The following FGF10 variants were observed in gnomAD, a reference collection of about 807,000 sequenced individuals.
FGF10 encodes the protein fibroblast growth factor 10, also known as FGF-10.
Under a neutral mutation model 19.8 loss-of-function variants are expected in FGF10, and 2 were observed. That is an observed-to-expected ratio of 0.10 (90% CI 0.04 to 0.32). FGF10 has a LOEUF of 0.32. Ranked by LOEUF, FGF10 falls within the 10% of genes least tolerant of loss-of-function variation. FGF10 has a pLI of 1.00. For missense variants in FGF10, 191 were observed against 246.3 expected, an observed-to-expected ratio of 0.78 and a Z score of 1.50; for synonymous variants, 112 against 94.0, an observed-to-expected ratio of 1.19 and a Z score of -1.10.
chr5:44,376,594 C>T (rs1405243871), intron 1 of FGF10, among the ~76,000 whole-genome samples: 1 of 142,010 alleles, frequency 7.0e-6, no homozygotes, highest in Non-Finnish European at 1.5e-5. Context: ...AATTACAAAA[C>T]CTCTTCACAG....
chr5:44,379,574 A>C (rs1257483526), intron 1 of FGF10, among the ~76,000 whole-genome samples: 1 of 151,860 alleles, frequency 6.6e-6, no homozygotes, highest in African/African-American at 2.4e-5. Flanking sequence ...ACTCTATCAT[A>C]CCTCCTCTTT....
intron 1 of FGF10, among the ~76,000 whole-genome samples, chr5:44,329,111 C>T (rs559419898): frequency 3.9e-5 from 6 of 152,272 alleles, no homozygotes; most frequent in African/African-American, 1.4e-4. Context: ...GTAGATTGTG[C>T]TCTTACTGTT....
intron 1 of FGF10, among the ~76,000 whole-genome samples, chr5:44,375,753 A>C (rs1304905031): frequency 6.6e-6 from 1 of 152,082 alleles, no homozygotes; most frequent in African/African-American, 2.4e-5. Context: ...GTTAATAATA[A>C]AATGCCAGAA....
Position 44,388,926 on chromosome 5 carries a change from C to T in FGF10, c.-244G>A, listed in dbSNP as rs1477285883. 3.5e-6 allele frequency: 2 copies of T among 579,220 alleles called. No homozygotes were observed. Among genetic ancestry groups the T allele is most frequent in the Non-Finnish European group, 6.2e-6 (2 of 322,258 alleles). 35.9% of individuals were successfully genotyped at this position (579,220 alleles called of 1,614,324 possible). A position where few individuals can be genotyped will look rare whatever the true frequency, so the allele number is the denominator to read the frequency against. The stretch of plus-strand genomic sequence containing the variant: ...CTGGAGCCTCCCGGTAAATGGTGGA[C>T]GTGGGTGGCCGCAGCAGCAGGAGCT... On this transcript the variant is annotated 5_prime_UTR_variant, in exon 1 of 3. Transcript: ENST00000264664.
chr5:44,383,835 GA>G (rs1300151219), intron 1 of FGF10, among the ~76,000 whole-genome samples: 5 of 152,040 alleles, frequency 3.3e-5, no homozygotes, highest in African/African-American at 1.2e-4. Flanking sequence ...GATACCAGTG[GA>G]AGCCATAAAT....
At chr5:44,380,570 A>G (rs1741963013) in intron 1 of FGF10, among the ~76,000 whole-genome samples, 2 of 152,234 alleles carry the variant, frequency 1.3e-5, no homozygotes, top group Admixed American at 1.3e-4. Context: ...CATATATTTG[A>G]CAGGGGTACA....
At chr5:44,335,376 C>T (rs1348804280) in intron 1 of FGF10, among the ~76,000 whole-genome samples, 1 of 151,996 alleles carries the variant, frequency 6.6e-6, no homozygotes, top group African/African-American at 2.4e-5. Flanking sequence ...ATTTTCCATT[C>T]TATTTATAGC....
rs372664578 is a variant in FGF10, at chr5:44,388,983, G to A, written c.-301C>T. On this transcript the variant is annotated 5_prime_UTR_variant, in exon 1 of 3. Coordinates refer to ENST00000264664, the MANE Select transcript of FGF10 (RefSeq NM_004465.2). The stretch of plus-strand genomic sequence containing the variant: ...GGCGTTGGTGGTGTTGGTCACCAGC[G>A]CTCTTCGCTCCCCCAGGAGTTACTT... 1.1e-4 allele frequency: 56 copies of A among 526,926 alleles called. 1 individual carries two copies. The highest frequency in any genetic ancestry group is 5.9e-4 in the African/African-American group (31 of 52,452). The allele number at this position is 526,926 out of a possible 1,614,324, so 32.6% of individuals were successfully genotyped here. A position where few individuals can be genotyped will look rare whatever the true frequency, so the allele number is the denominator to read the frequency against.
chr5:44,380,495 T>C (rs1398269047), intron 1 of FGF10, among the ~76,000 whole-genome samples: 2 of 152,206 alleles, frequency 1.3e-5, no homozygotes, highest in African/African-American at 4.8e-5. Context: ...TACATATACC[T>C]ATTTTACATT....
Position 44,318,850 on chromosome 5 carries a change from A to G in FGF10, c.326-8320T>C, listed in dbSNP as rs2111717868. Among the ~76,000 whole-genome samples, 3 of 152,294 alleles carry G rather than the reference A, an allele frequency of 2.0e-5. 1 individual carries two copies. The South Asian group carries it at 6.2e-4, about 32-fold the overall frequency. On this transcript the variant is annotated intron_variant, in intron 1 of 2. Transcript: ENST00000264664. Reference sequence around the variant, plus strand: ...TATGTTCAATCAAAACCTCTGATCAATCTAATTTGAGCTAAAATTACTAAA... The same window carrying G: ...TATGTTCAATCAAAACCTCTGATCAGTCTAATTTGAGCTAAAATTACTAAA...
intron 1 of FGF10, among the ~76,000 whole-genome samples, chr5:44,316,702 T>C (rs1740360066): frequency 6.6e-6 from 1 of 152,182 alleles, no homozygotes; most frequent in Admixed American, 6.6e-5. Flanking sequence ...AGAAAAATTT[T>C]AAACAATGTG....
intron 1 of FGF10, among the ~76,000 whole-genome samples, chr5:44,342,983 C>T (rs906402933): frequency 3.3e-5 from 5 of 151,898 alleles, no homozygotes; most frequent in African/African-American, 7.2e-5. Context: ...ATCAAAGTTC[C>T]GAACTTCAGG....
chr5:44,315,310 A>G (rs1490564638), intron 1 of FGF10, among the ~76,000 whole-genome samples: 1 of 152,100 alleles, frequency 6.6e-6, no homozygotes, highest in African/African-American at 2.4e-5. Flanking sequence ...ACTTTTCAAG[A>G]GCAGGGTTTT....
In FGF10 at chr5:44,376,490, CAAAAAAAAAA is replaced by C. The variant is rs764913349; in HGVS notation, c.325+11858_325+11867del. Among the ~76,000 whole-genome samples, 23 of 34,550 alleles carry C rather than the reference CAAAAAAAAAA, an allele frequency of 6.7e-4. No homozygotes were observed. In the South Asian group the frequency reaches 0.024, roughly 36 times the overall value. The allele number at this position is 34,550 out of a possible 152,430, so 22.7% of individuals were successfully genotyped here. On this transcript the variant is annotated intron_variant, in intron 1 of 2. Transcript: ENST00000264664. Reference sequence around the variant, plus strand: ...CTAAGACAAGTTAGAATACAAATGCCAAAAAAAAAAAAAAAAAAAAAAAAAAACAAAAAAC... The same window carrying C: ...CTAAGACAAGTTAGAATACAAATGCCAAAAAAAAAAAAAAAAACAAAAAAC...
intron 1 of FGF10, among the ~76,000 whole-genome samples, chr5:44,319,980 G>T (rs539050467): frequency 3.9e-5 from 6 of 152,224 alleles, no homozygotes; most frequent in African/African-American, 1.4e-4. Context: ...CCCATCAGTC[G>T]TTACTGCCTG....
At chr5:44,323,810 T>C (rs1482756887) in intron 1 of FGF10, among the ~76,000 whole-genome samples, 2 of 152,158 alleles carry the variant, frequency 1.3e-5, no homozygotes, top group African/African-American at 4.8e-5. Flanking sequence ...TTTAAAGTAG[T>C]ATGTTCTTGA....
At chr5:44,315,074 A>G (rs1740305836) in intron 1 of FGF10, among the ~76,000 whole-genome samples, 1 of 151,818 alleles carries the variant, frequency 6.6e-6, no homozygotes, top group African/African-American at 2.4e-5. Context: ...TGTGCAGGGT[A>G]GGTGTTAGCT....
intron 1 of FGF10, among the ~76,000 whole-genome samples, chr5:44,346,492 G>A (rs1287165973): frequency 6.6e-6 from 1 of 151,740 alleles, no homozygotes; most frequent in African/African-American, 2.4e-5. Context: ...TACATGACCA[G>A]GATCTACTTT....
At chr5:44,370,926 G>T (rs1340595363) in intron 1 of FGF10, among the ~76,000 whole-genome samples, 1 of 152,114 alleles carries the variant, frequency 6.6e-6, no homozygotes, top group Admixed American at 6.6e-5. Flanking sequence ...AGAGAAGATA[G>T]ATGATAAAAG....
Sources: allele counts gnomAD v4.1 joint callset (sites outside exome capture counted in the v4.1 genomes callset), GRCh38; gene constraint gnomAD v4.1.1; transcripts MANE v1.5; gene names NCBI Gene and HGNC (gene_info 2026-07-23, HGNC 2026-07-21).